CADM2: variants seen among roughly 807,000 people sequenced by gnomAD.
CADM2 encodes the protein immunoglobulin superfamily member 4D.
In CADM2, 12 loss-of-function variants were observed where a neutral mutation model predicts 49.8. The observed-to-expected ratio is 0.24, with a 90% confidence interval of 0.15 to 0.39. The LOEUF (loss-of-function observed/expected upper bound fraction) is 0.39. CADM2 is among the 10% of genes least tolerant of loss of function. CADM2 has a pLI of 1.00. For synonymous variants in CADM2, 214 were observed against 175.4 expected (o/e 1.22, Z -1.74); for missense variants, 378 against 492.3 (o/e 0.77, Z 2.20).
intron 8 of CADM2, among the ~76,000 whole-genome samples, chr3:86,044,159 T>C (rs1736330305): frequency 6.6e-6 from 1 of 152,188 alleles, no homozygotes; most frequent in African/African-American, 2.4e-5. Flanking sequence ...GGGTAACGAC[T>C]TCACGTCTAA....
intron 1 of CADM2, among the ~76,000 whole-genome samples, chr3:85,597,269 T>A (rs2063271789): frequency 6.6e-6 from 1 of 152,072 alleles, no homozygotes; most frequent in South Asian, 2.1e-4. Flanking sequence ...TATATGGTAC[T>A]TTGAAGTTTA....
intron 1 of CADM2, among the ~76,000 whole-genome samples, chr3:85,201,816 C>G (rs753128084): frequency 6.6e-6 from 1 of 152,098 alleles, no homozygotes; most frequent in African/African-American, 2.4e-5. Flanking sequence ...GGCACAGTGG[C>G]TCACACCTGT....
chr3:85,780,439 C>T (rs1323178928), intron 2 of CADM2, among the ~76,000 whole-genome samples: 1 of 152,130 alleles, frequency 6.6e-6, no homozygotes, highest in Admixed American at 6.6e-5. Flanking sequence ...TATACAACAC[C>T]ATTGATACTA....
At chr3:85,665,807 C>T (rs191540687) in intron 1 of CADM2, among the ~76,000 whole-genome samples, 10 of 151,982 alleles carry the variant, frequency 6.6e-5, no homozygotes, top group East Asian at 5.8e-4. Flanking sequence ...ATGATTCTCC[C>T]GTCGTTTCCA....
intron 1 of CADM2, among the ~76,000 whole-genome samples, chr3:85,542,643 A>G (rs1453170123): frequency 6.6e-6 from 1 of 152,184 alleles, no homozygotes; most frequent in Admixed American, 6.5e-5. Context: ...ATATAAATAT[A>G]TTGACATAGC....
chr3:85,283,712 T>G (rs1005094852), intron 1 of CADM2, among the ~76,000 whole-genome samples: 1 of 152,126 alleles, frequency 6.6e-6, no homozygotes, highest in Non-Finnish European at 1.5e-5. Flanking sequence ...TAGAGTATAC[T>G]TTGCTTCAAA....
intron 7 of CADM2, among the ~76,000 whole-genome samples, chr3:85,949,366 G>C (rs1723117320): frequency 6.6e-6 from 1 of 151,216 alleles, no homozygotes; most frequent in Admixed American, 6.6e-5. Flanking sequence ...CACCTTAAAG[G>C]GTTTGAAAAT....
At chr3:85,017,570 A>G (rs1395150309) in intron 1 of CADM2, among the ~76,000 whole-genome samples, 2 of 152,206 alleles carry the variant, frequency 1.3e-5, no homozygotes, top group Admixed American at 1.3e-4. Context: ...GTTAAATTTT[A>G]AACACTAAAA....
intron 1 of CADM2, among the ~76,000 whole-genome samples, chr3:85,586,663 G>A (rs2062954318): frequency 6.6e-6 from 1 of 152,110 alleles, no homozygotes; most frequent in South Asian, 2.1e-4. Context: ...AATCTGTTAG[G>A]TTGGTGCAAA....
intron 1 of CADM2, among the ~76,000 whole-genome samples, chr3:85,375,006 A>G (rs2033502475): frequency 6.6e-6 from 1 of 152,162 alleles, no homozygotes; most frequent in African/African-American, 2.4e-5. Context: ...AGAAAAAGAA[A>G]ATCACACACA....
chr3:86,016,648 G>T (rs748885546), intron 8 of CADM2, among the ~76,000 whole-genome samples: 1 of 152,152 alleles, frequency 6.6e-6, no homozygotes, highest in Non-Finnish European at 1.5e-5. Context: ...GAAAACTTAA[G>T]TTGACCCTTT....
chr3:85,209,313 G>T (rs1386273206), intron 1 of CADM2, among the ~76,000 whole-genome samples: 1 of 152,074 alleles, frequency 6.6e-6, no homozygotes, highest in Non-Finnish European at 1.5e-5. Flanking sequence ...TGTGCTAAGT[G>T]CTTTGTGTGC....
At chr3:85,717,509 C>T (rs549960501) in intron 1 of CADM2, among the ~76,000 whole-genome samples, 30 of 152,200 alleles carry the variant, frequency 2.0e-4, no homozygotes, top group African/African-American at 7.2e-4. Flanking sequence ...ATTGCCCTGG[C>T]CAGAACTTCC....
intron 1 of CADM2, among the ~76,000 whole-genome samples, chr3:85,427,020 A>C (rs1365483176): frequency 6.6e-6 from 1 of 151,812 alleles, no homozygotes; most frequent in African/African-American, 2.4e-5. Flanking sequence ...TATTTCTAAG[A>C]GGAAAAGGAT....
intron 1 of CADM2, among the ~76,000 whole-genome samples, chr3:84,969,000 A>T (rs1032436339): frequency 2.0e-5 from 3 of 152,026 alleles, no homozygotes; most frequent in Non-Finnish European, 4.4e-5. Context: ...AGAGAGACAG[A>T]CATCTTTTTC....
At chr3:85,300,022 T>C (rs1219373080) in intron 1 of CADM2, among the ~76,000 whole-genome samples, 1 of 152,134 alleles carries the variant, frequency 6.6e-6, no homozygotes, top group Non-Finnish European at 1.5e-5. Flanking sequence ...AAATTGTTAT[T>C]ATTTACAACT....
intron 1 of CADM2, among the ~76,000 whole-genome samples, chr3:84,963,549 G>A (rs986897753): frequency 1.3e-5 from 2 of 151,972 alleles, no homozygotes; most frequent in Non-Finnish European, 2.9e-5. Flanking sequence ...CAGATACTGG[G>A]GCTTTAGGTT....
intron 1 of CADM2, among the ~76,000 whole-genome samples, chr3:85,408,413 A>T (rs879321237): frequency 3.9e-5 from 6 of 152,324 alleles, no homozygotes; most frequent in Non-Finnish European, 7.4e-5. Flanking sequence ...TGAAAAATTA[A>T]TTTTTTTGAA....
Position 85,018,625 on chromosome 3 carries a change from A to C in CADM2, c.61+58957A>C, listed in dbSNP as rs79649405. On this transcript the variant is annotated intron_variant, in intron 1 of 9. Transcript: ENST00000383699. The stretch of plus-strand genomic sequence containing the variant: ...CTGCCTCGGCCTCCCAAGTGAGTTT[A>C]TTTACATAAACTCACAGATACTTTT... 6.1e-3 allele frequency among the ~76,000 whole-genome samples: 934 copies of C among 152,172 alleles called. 16 individuals carry two copies. Among genetic ancestry groups the C allele is most frequent in the African/African-American group, 0.022 (894 of 41,526 alleles).
Sources: allele counts gnomAD v4.1 joint callset (sites outside exome capture counted in the v4.1 genomes callset), GRCh38; gene constraint gnomAD v4.1.1; transcripts MANE v1.5; gene names NCBI Gene and HGNC (gene_info 2026-07-23, HGNC 2026-07-21).